P3H2: variants seen among roughly 807,000 people sequenced by gnomAD.
The protein encoded by P3H2 is prolyl 3-hydroxylase 2, also known as leprecan-like 1.
A neutral mutation model predicts 87.0 loss-of-function variants in P3H2; 80 were observed. The ratio of observed to expected loss-of-function variants is 0.92; its 90% CI spans 0.77 to 1.11. P3H2 has a LOEUF of 1.11. Among genes scored for constraint, P3H2 ranks in the 50% least tolerant of loss-of-function variants. The probability of loss-of-function intolerance (pLI) is 0.00; values close to 1 mark genes in which losing one functional copy is unlikely to be tolerated. For missense variants in P3H2, 1,001 were observed against 923.9 expected, an observed-to-expected ratio of 1.08 and a Z score of -1.08; for synonymous variants, 367 against 359.3, an observed-to-expected ratio of 1.02 and a Z score of -0.24.
At chr3:190,037,130 G>T (rs1426398275) in intron 1 of P3H2, among the ~76,000 whole-genome samples, 1 of 151,982 alleles carries the variant, frequency 6.6e-6, no homozygotes, top group African/African-American at 2.4e-5. Flanking sequence ...GGAGTGAAGG[G>T]ATTATCTGCC....
rs1390122705 is a variant in P3H2 at position 189,956,816 on chromosome 3, A to G, written c.*1096T>C. The G allele has an allele frequency of 3.6e-6, 1 of 275,746 alleles. No individual in the cohort carries two copies. Among genetic ancestry groups the G allele is most frequent in the East Asian group, 6.2e-5 (1 of 16,190 alleles). 17.1% of individuals were successfully genotyped at this position (275,746 alleles called of 1,614,324 possible). ...AGCAATGAGGAGGGGCCCCCAAAAT[A>G]TAAGCAGATGACGGTTAAAATCAAT... On this transcript the variant is annotated 3_prime_UTR_variant, in exon 15 of 15. Transcript: ENST00000319332.
At chr3:190,007,946 G>C (rs1423842635) in intron 1 of P3H2, among the ~76,000 whole-genome samples, 1 of 32,416 alleles carries the variant, frequency 3.1e-5, no homozygotes, top group Non-Finnish European at 6.7e-5. Flanking sequence ...AGCTGCCTGA[G>C]ACTCTATTTG....
chr3:189,994,151 T>A lies in P3H2; in HGVS notation c.766A>T (p.Arg256Ter). 1 of 1,613,794 alleles carries A rather than the reference T, an allele frequency of 6.2e-7. No homozygotes were observed. Among genetic ancestry groups the A allele is most frequent in the Non-Finnish European group, 8.5e-7 (1 of 1,179,866 alleles). ...CCTAAATACTCATATTCTTCAAATC[T>A]CTGAGGCCCCTCACATAGGGTCCGG... Reference protein sequence around the residue: ...ECRTLCEGPQRFEEYEYLGYK... With the variant: ...ECRTLCEGPQ Residue 256 changes from arginine (R) to a stop codon, truncating the protein, a stop_gained, in exon 3 of 15, where the codon AGA becomes TGA. Transcript: ENST00000319332. LOFTEE classifies it high-confidence loss of function.
intron 1 of P3H2, among the ~76,000 whole-genome samples, chr3:190,081,123 A>G (rs548613663): frequency 4.6e-5 from 7 of 152,362 alleles, no homozygotes; most frequent in African/African-American, 1.7e-4. Flanking sequence ...ACATAGAACT[A>G]AAGAAATTAT....
intron 1 of P3H2, among the ~76,000 whole-genome samples, chr3:189,997,797 T>G (rs1177451267): frequency 6.6e-6 from 1 of 152,202 alleles, no homozygotes; most frequent in African/African-American, 2.4e-5. Context: ...TTTCTCAACT[T>G]TAATCTTCTC....
chr3:189,974,311 G>A, intron 9 of P3H2: 1 of 610,226 alleles, frequency 1.6e-6, no homozygotes, highest in Non-Finnish European at 2.9e-6. Flanking sequence ...ATGATAGGCA[G>A]GGACCTTGCT....
At chr3:190,003,024 T>C (rs751651771) in intron 1 of P3H2, among the ~76,000 whole-genome samples, 9 of 152,214 alleles carry the variant, frequency 5.9e-5, no homozygotes, top group Non-Finnish European at 1.2e-4. Context: ...CACTCTAAAA[T>C]ACAGTCATAG....
chr3:190,076,802 A>G (rs1726889661), intron 1 of P3H2, among the ~76,000 whole-genome samples: 1 of 152,296 alleles, frequency 6.6e-6, no homozygotes, highest in Admixed American at 6.5e-5. Flanking sequence ...TCTTATAAAC[A>G]CTGCAAAAAG....
At chr3:189,997,046 G>A (rs183861273) in intron 1 of P3H2, among the ~76,000 whole-genome samples, 38 of 152,218 alleles carry the variant, frequency 2.5e-4, no homozygotes, top group Middle Eastern at 3.4e-3. Flanking sequence ...TTTTTGAGAC[G>A]GAGTCTTGCT....
intron 1 of P3H2, among the ~76,000 whole-genome samples, chr3:190,016,542 C>A (rs756712918): frequency 1.3e-5 from 2 of 152,164 alleles, no homozygotes; most frequent in Non-Finnish European, 2.9e-5. Flanking sequence ...CTGCACCCGG[C>A]CTGCTTATTT....
chr3:190,035,377 T>C (rs1446787870), intron 1 of P3H2, among the ~76,000 whole-genome samples: 2 of 152,174 alleles, frequency 1.3e-5, no homozygotes, highest in Non-Finnish European at 2.9e-5. Flanking sequence ...TGCCTCAGTA[T>C]ATTTGACAAT....
Position 190,120,840 on chromosome 3 carries a change from G to T in P3H2, c.-109C>A. Reference sequence around the variant, plus strand: ...CTCGGGGAAGCGCGCCGACTCCGCCGCGATCTGGCCGCTCCGCGAGCCCCA... The same window carrying T: ...CTCGGGGAAGCGCGCCGACTCCGCCTCGATCTGGCCGCTCCGCGAGCCCCA... On this transcript the variant is annotated 5_prime_UTR_variant, in exon 1 of 15. Transcript: ENST00000319332. The T allele has an allele frequency of 7.0e-7, 1 of 1,437,356 alleles. No individual in the cohort carries two copies. The highest frequency in any genetic ancestry group is 9.1e-7 in the Non-Finnish European group (1 of 1,094,582). 89.0% of individuals were successfully genotyped at this position (1,437,356 alleles called of 1,614,324 possible). A position where few individuals can be genotyped will look rare whatever the true frequency, so the allele number is the denominator to read the frequency against.
chr3:190,097,612 A>G (rs946717091), intron 1 of P3H2, among the ~76,000 whole-genome samples: 2 of 148,580 alleles, frequency 1.3e-5, no homozygotes, highest in Non-Finnish European at 3.0e-5. Flanking sequence ...TTGAAAACCT[A>G]ATTTTTATTG....
chr3:189,971,814 CAG>C, intron 12 of P3H2, 74 bp downstream of exon 12: 2 of 897,190 alleles, frequency 2.2e-6, no homozygotes, highest in African/African-American at 1.6e-5. Flanking sequence ...TCAAGCAAAA[CAG>C]AGCACCTTTC....
chr3:190,035,154 T>C (rs1236761215), intron 1 of P3H2, among the ~76,000 whole-genome samples: 1 of 152,180 alleles, frequency 6.6e-6, no homozygotes, highest in African/African-American at 2.4e-5. Context: ...TGCCCCCAAA[T>C]GGCTATTTTT....
At chr3:190,001,791 A>G (rs1668380325) in intron 1 of P3H2, among the ~76,000 whole-genome samples, 1 of 152,208 alleles carries the variant, frequency 6.6e-6, no homozygotes, top group South Asian at 2.1e-4. Flanking sequence ...ACATTTGTAG[A>G]CATTTCATTA....
In P3H2 at chr3:189,964,071, T is replaced by C. The variant is rs1263758487; in HGVS notation, c.1921A>G (p.Met641Val). 1.2e-5 allele frequency: 20 copies of C among 1,614,052 alleles called. No individual in the cohort carries two copies. Among genetic ancestry groups the C allele is most frequent in the Non-Finnish European group, 1.6e-5 (19 of 1,180,024 alleles). ...TCTCCTCCAGATGAGAAGCTGATCA[T>C]GCGCCCACATTTTGGTTTTATAGAG... The part of the protein sequence containing the change: ...TASIKPKCGR[M>V]ISFSSGGENP... The change falls in exon 14 of 15, where the codon ATG becomes GTG. Residue 641 changes from methionine to valine, a missense_variant. Coordinates refer to ENST00000319332, the MANE Select transcript of P3H2 (RefSeq NM_018192.4).
intron 1 of P3H2, among the ~76,000 whole-genome samples, chr3:190,036,383 T>C (rs1298012519): frequency 6.6e-6 from 1 of 152,102 alleles, no homozygotes; most frequent in East Asian, 1.9e-4. Flanking sequence ...CAAAAGGAAG[T>C]CCAAGGGAGT....
intron 13 of P3H2, among the ~76,000 whole-genome samples, chr3:189,968,117 TTTA>T (rs1224721309): frequency 2.0e-5 from 3 of 152,212 alleles, no homozygotes; most frequent in South Asian, 2.1e-4. Context: ...TGGAAATTTT[TTTA>T]TTATTATTAT....
Sources: allele counts gnomAD v4.1 joint callset (sites outside exome capture counted in the v4.1 genomes callset), GRCh38; gene constraint gnomAD v4.1.1; transcripts MANE v1.5; gene names NCBI Gene and HGNC (gene_info 2026-07-23, HGNC 2026-07-21).